Variants in PCSK5 observed in about 807,000 individuals in gnomAD.
PCSK5 encodes prohormone convertase 5.
Under a neutral mutation model 233.2 loss-of-function variants are expected in PCSK5, and 129 were observed. That is an observed-to-expected ratio of 0.55 (90% CI 0.48 to 0.64). The LOEUF (loss-of-function observed/expected upper bound fraction) is 0.64. Ranked by LOEUF, PCSK5 falls within the 30% of genes least tolerant of loss-of-function variation. PCSK5 has a pLI of 0.00. For missense variants in PCSK5, 2,076 were observed against 2,430.1 expected, an observed-to-expected ratio of 0.85 and a Z score of 3.06; for synonymous variants, 825 against 879.2, an observed-to-expected ratio of 0.94 and a Z score of 1.09.
intron 8 of PCSK5, among the ~76,000 whole-genome samples, chr9:76,099,629 T>C (rs935150715): frequency 6.6e-6 from 1 of 152,216 alleles, no homozygotes; most frequent in Non-Finnish European, 1.5e-5. Flanking sequence ...ACATCAGCCT[T>C]TTATGGTCCG....
rs183150075 is a variant in PCSK5 at position 76,272,641 on chromosome 9, G to T, written c.3143-19592G>T. ...TACAAAAAAATTAGCTGGGCATGGT[G>T]GTGCATGCCTGTAGTCCTAGCTACT... On this transcript the variant is annotated intron_variant, in intron 24 of 37. Coordinates refer to ENST00000674117, the MANE Select transcript of PCSK5 (RefSeq NM_001372043.1). Among the ~76,000 whole-genome samples the T allele has an allele frequency of 6.4e-4, 97 of 151,704 alleles. No homozygotes were observed. The East Asian group carries it at 0.015, about 23-fold the overall frequency.
chr9:75,988,799 G>A (rs566333904), intron 3 of PCSK5, among the ~76,000 whole-genome samples: 2 of 152,198 alleles, frequency 1.3e-5, no homozygotes, highest in African/African-American at 2.4e-5. Context: ...TGAGGCTTGC[G>A]AAATTTAGTT....
At chr9:76,179,736 C>A in intron 15 of PCSK5, 38 bp downstream of exon 15, 1 of 1,409,168 alleles carries the variant, frequency 7.1e-7, no homozygotes, top group Non-Finnish European at 1.0e-6. Flanking sequence ...ACAGCATGTG[C>A]CAGGCATCTT....
intron 5 of PCSK5, among the ~76,000 whole-genome samples, chr9:76,028,673 A>G (rs1828530601): frequency 6.6e-6 from 1 of 151,944 alleles, no homozygotes. Context: ...GGGAGTTCAC[A>G]CTCTCGGAGC....
At chr9:76,327,810 C>T (rs1829410099) in intron 32 of PCSK5, among the ~76,000 whole-genome samples, 199 bp from the exon 33 acceptor site, 1 of 152,178 alleles carries the variant, frequency 6.6e-6, no homozygotes, top group African/African-American at 2.4e-5. Context: ...ATAATTTTCT[C>T]TCATTTTGCA....
chr9:76,261,013 C>A (rs976520654), intron 24 of PCSK5, among the ~76,000 whole-genome samples: 3 of 152,136 alleles, frequency 2.0e-5, no homozygotes, highest in East Asian at 1.9e-4. Context: ...TCATGCCTAT[C>A]CTGAAGACGT....
intron 20 of PCSK5, among the ~76,000 whole-genome samples, chr9:76,212,221 T>C (rs576897915): frequency 6.6e-6 from 1 of 152,242 alleles, no homozygotes; most frequent in Admixed American, 6.5e-5. Flanking sequence ...TTTCATCATT[T>C]TGGTACCTAA....
chr9:75,972,037 CTA>C (rs1825832490), intron 2 of PCSK5, among the ~76,000 whole-genome samples: 2 of 151,658 alleles, frequency 1.3e-5, no homozygotes, highest in African/African-American at 4.8e-5. Flanking sequence ...AGATTTTCTT[CTA>C]TGAGTTAATT....
intron 7 of PCSK5, 136 bp from the exon 8 acceptor site, chr9:76,095,754 C>G (rs1823102673): frequency 1.4e-6 from 1 of 707,344 alleles, no homozygotes; most frequent in South Asian, 1.8e-5. Context: ...ACTCCACTCC[C>G]AGAAGCTGCT....
At chr9:76,189,568 A>C (rs1824265963) in intron 19 of PCSK5, 63 bp from the exon 20 acceptor site, 1 of 972,232 alleles carries the variant, frequency 1.0e-6, no homozygotes, top group South Asian at 1.4e-5. Flanking sequence ...TGAGGTTGCT[A>C]GTAAACACAC....
At chr9:75,945,645 A>T (rs918132432) in intron 2 of PCSK5, among the ~76,000 whole-genome samples, 3 of 151,558 alleles carry the variant, frequency 2.0e-5, no homozygotes, top group Non-Finnish European at 4.4e-5. Context: ...ATAAAGTCTA[A>T]TTTTTTTTAA....
At chr9:76,293,174 T>C (rs948924533) in intron 25 of PCSK5, among the ~76,000 whole-genome samples, 10 of 151,422 alleles carry the variant, frequency 6.6e-5, no homozygotes, top group African/African-American at 2.4e-4. Context: ...ATCCATAGAA[T>C]TGGACAAAGC....
At chr9:76,007,796 T>TTGTGTGTGTGTGTGTGTGTGTGTGTG (rs59860078) in intron 3 of PCSK5, among the ~76,000 whole-genome samples, 1 of 128,224 alleles carries the variant, frequency 7.8e-6, no homozygotes, top group Non-Finnish European at 1.6e-5. Flanking sequence ...CCGGCTAATT[T>TTGTGTGTGTGTGTGTGTGTGTGTGTG]TGTGTGTGTG....
At chr9:76,162,790 A>T (rs1587704261) in intron 12 of PCSK5, among the ~76,000 whole-genome samples, 2 of 152,004 alleles carry the variant, frequency 1.3e-5, no homozygotes, top group South Asian at 4.2e-4. Flanking sequence ...ACTTTTCCTC[A>T]TTTTATCTGT....
intron 2 of PCSK5, among the ~76,000 whole-genome samples, chr9:75,983,012 C>T (rs1826346707): frequency 6.6e-6 from 1 of 151,964 alleles, no homozygotes; most frequent in African/African-American, 2.4e-5. Flanking sequence ...TGTTCCAAAA[C>T]ATTTATGAAG....
intron 1 of PCSK5, among the ~76,000 whole-genome samples, chr9:75,896,675 C>T (rs1021841399): frequency 1.3e-4 from 20 of 152,194 alleles, no homozygotes; most frequent in Middle Eastern, 3.4e-3. Context: ...AAAATAAATG[C>T]TTATAGACAT....
intron 1 of PCSK5, among the ~76,000 whole-genome samples, chr9:75,904,841 T>G (rs76134623): frequency 1.2e-4 from 18 of 152,196 alleles, no homozygotes; most frequent in African/African-American, 4.3e-4. Context: ...CACAAAATCT[T>G]GTAGATAAGT....
chr9:75,942,105 A>C (rs559644147), intron 2 of PCSK5, among the ~76,000 whole-genome samples: 1 of 152,320 alleles, frequency 6.6e-6, no homozygotes, highest in Admixed American at 6.5e-5. Flanking sequence ...GCAGGAGCTC[A>C]CCGGGCATGC....
At chr9:76,183,127 A>G (rs1346287707) in intron 16 of PCSK5, among the ~76,000 whole-genome samples, 2 of 152,206 alleles carry the variant, frequency 1.3e-5, no homozygotes, top group Non-Finnish European at 2.9e-5. Flanking sequence ...CCTTGTGAGG[A>G]AAAAAGTCAA....
Sources: gnomAD v4.1 joint callset for allele counts (sites outside exome capture counted in the v4.1 genomes callset) on GRCh38, gnomAD v4.1.1 for gene constraint, MANE v1.5 for transcripts, NCBI Gene and HGNC (gene_info 2026-07-23, HGNC 2026-07-21) for gene names.